The following RMP64 variants were observed in gnomAD, a reference collection of about 807,000 sequenced individuals.
RMP64 encodes the protein nucleolus and neural progenitor protein.
chr3:113,008,750 C>T, the RMP64 span: 1 of 223,534 alleles, frequency 4.5e-6, no homozygotes, highest in Non-Finnish European at 9.0e-6. Flanking sequence ...TTCTCCACTG[C>T]TCCAAATACA....
At chr3:113,017,321 G>T in the RMP64 span, 1 of 709,680 alleles carries the variant, frequency 1.4e-6, no homozygotes, top group Non-Finnish European at 2.3e-6. Context: ...GTGGGCTATA[G>T]GCCTATAAAA....
the RMP64 span, among the ~76,000 whole-genome samples, chr3:113,007,384 C>G: frequency 6.6e-6 from 1 of 151,788 alleles, no homozygotes; most frequent in Non-Finnish European, 1.5e-5. Context: ...GTGGTTCATC[C>G]CCAGGAATGA....
the RMP64 span, chr3:113,014,184 C>A: frequency 1.8e-6 from 1 of 567,536 alleles, no homozygotes; most frequent in Non-Finnish European, 3.2e-6. Context: ...GTAGAGAAAT[C>A]CAAAGCGCAA....
the RMP64 span, chr3:113,013,296 A>C: frequency 6.2e-7 from 1 of 1,614,004 alleles, no homozygotes. Context: ...GCAGCAGTCC[A>C]ACAAGCGGAG....
chr3:113,017,515 AAC>A, the RMP64 span: 1 of 1,614,198 alleles, frequency 6.2e-7, no homozygotes, highest in Non-Finnish European at 8.5e-7. Context: ...GACTGCACAT[AAC>A]ACATCTGTTT....
the RMP64 span, chr3:113,019,581 G>T: frequency 6.2e-7 from 1 of 1,613,854 alleles, no homozygotes; most frequent in Admixed American, 1.7e-5. Flanking sequence ...ACTGCGCTGC[G>T]GTTCCCCGCC....
chr3:113,017,558 G>C, the RMP64 span: 6 of 1,614,088 alleles, frequency 3.7e-6, no homozygotes, highest in Non-Finnish European at 5.1e-6. Context: ...TTCAGCGACA[G>C]TATGACGAGA....
chr3:113,019,624 G>C, the RMP64 span: 19 of 1,613,624 alleles, frequency 1.2e-5, no homozygotes, highest in African/African-American at 2.3e-4. Context: ...ACGGCTCCAG[G>C]CCCGGCGGCA....
At chr3:113,006,604 C>T in the RMP64 span, among the ~76,000 whole-genome samples, 1 of 152,230 alleles carries the variant, frequency 6.6e-6, no homozygotes, top group African/African-American at 2.4e-5. Context: ...TGCTTCCACA[C>T]ACGGTACACT....
chr3:113,013,417 G>A, the RMP64 span: 624 of 1,458,834 alleles, frequency 4.3e-4, 1 homozygote, highest in Non-Finnish European at 5.4e-4. Context: ...GAAAAAAATA[G>A]AAAAAGTACA....
chr3:113,012,616 A>C, the RMP64 span: 1 of 602,364 alleles, frequency 1.7e-6, no homozygotes, highest in East Asian at 2.7e-5. Context: ...AAACCAAGAA[A>C]GAGAATACCT....
chr3:113,018,009 C>A, the RMP64 span, among the ~76,000 whole-genome samples: 2 of 152,078 alleles, frequency 1.3e-5, no homozygotes, highest in East Asian at 3.8e-4. Flanking sequence ...TCGCTATGCC[C>A]GAAAGCAAGA....
chr3:113,003,989 C>T, the RMP64 span: 1 of 152,170 alleles, frequency 6.6e-6, no homozygotes, highest in Admixed American at 6.5e-5. Context: ...TACACCAGTT[C>T]TCTTACTAAT....
chr3:113,008,002 G>T, the RMP64 span, among the ~76,000 whole-genome samples: 1 of 152,196 alleles, frequency 6.6e-6, no homozygotes, highest in Admixed American at 6.5e-5. Flanking sequence ...CAATGATACA[G>T]CTTTGCTCTT....
the RMP64 span, chr3:113,005,059 T>G: frequency 6.0e-6 from 1 of 166,206 alleles, no homozygotes; most frequent in African/African-American, 2.4e-5. Context: ...AACATAAATG[T>G]CAGGAGCTAC....
chr3:113,009,368 T>C, the RMP64 span: 1 of 152,070 alleles, frequency 6.6e-6, no homozygotes, highest in Non-Finnish European at 1.5e-5. Flanking sequence ...AGGTCAATAG[T>C]TTATGTTTGG....
At chr3:113,019,279 G>C in the RMP64 span, 1 of 510,218 alleles carries the variant, frequency 2.0e-6, no homozygotes, top group African/African-American at 2.0e-5. Flanking sequence ...CGCCCCCTCA[G>C]CGCACGGCTG....
At chr3:113,017,477 G>A in the RMP64 span, 38 of 1,613,780 alleles carry the variant, frequency 2.4e-5, no homozygotes, top group African/African-American at 2.7e-5. Flanking sequence ...GGTTTGTGGC[G>A]GCCCATTCTG....
At chr3:113,008,298 G>A in the RMP64 span, 1 of 1,614,160 alleles carries the variant, frequency 6.2e-7, no homozygotes, top group Non-Finnish European at 8.5e-7. Flanking sequence ...TCTTCAGAAA[G>A]TTGTGTGAAG....
Sources: allele counts gnomAD v4.1 joint callset (sites outside exome capture counted in the v4.1 genomes callset), GRCh38; gene constraint gnomAD v4.1.1; transcripts MANE v1.5; gene names NCBI Gene and HGNC (gene_info 2026-07-23, HGNC 2026-07-21).